GRM7: variants seen among roughly 807,000 people sequenced by gnomAD.
GRM7 encodes glutamate metabotropic receptor 7.
A neutral mutation model predicts 84.5 loss-of-function variants in GRM7; 35 were observed. That is an observed-to-expected ratio of 0.41 (90% CI 0.32 to 0.55). The LOEUF (loss-of-function observed/expected upper bound fraction) is 0.55, where lower values mean the gene tolerates loss of function less well. Ranked by LOEUF, GRM7 falls within the 20% of genes least tolerant of loss-of-function variation. GRM7 has a pLI of 0.19. For synonymous variants in GRM7, 487 were observed against 455.1 expected, an observed-to-expected ratio of 1.07 and a Z score of -0.89; for missense variants, 1,003 against 1,194.6, an observed-to-expected ratio of 0.84 and a Z score of 2.36.
At chr3:6,905,770 T>A (rs1696553203) in intron 1 of GRM7, among the ~76,000 whole-genome samples, 2 of 152,168 alleles carry the variant, frequency 1.3e-5, no homozygotes, top group African/African-American at 4.8e-5. Flanking sequence ...AAAAGATAAT[T>A]CTTATCTGGA....
At chr3:7,000,203 G>T (rs565646738) in intron 1 of GRM7, among the ~76,000 whole-genome samples, 2 of 124,042 alleles carry the variant, frequency 1.6e-5, no homozygotes, top group South Asian at 2.5e-4. Flanking sequence ...ACAGAATTCC[G>T]CTCTGTCACC....
intron 9 of GRM7, among the ~76,000 whole-genome samples, chr3:7,723,275 T>A (rs141844951): frequency 1.3e-5 from 2 of 152,246 alleles, no homozygotes; most frequent in Non-Finnish European, 2.9e-5. Context: ...ATCTTCGAGA[T>A]CCCTTTATTG....
chr3:7,156,834 T>G (rs1440548138), intron 2 of GRM7, among the ~76,000 whole-genome samples: 1 of 152,176 alleles, frequency 6.6e-6, no homozygotes, highest in Admixed American at 6.6e-5. Flanking sequence ...TTTTTCATTG[T>G]TGTTTTCACT....
chr3:7,528,762 T>G (rs1448881703), intron 7 of GRM7, among the ~76,000 whole-genome samples: 4 of 152,116 alleles, frequency 2.6e-5, no homozygotes, highest in African/African-American at 9.7e-5. Context: ...CTGCCCTAAT[T>G]TTGTTGTTTA....
At chr3:7,654,522 G>C (rs1416759316) in intron 8 of GRM7, among the ~76,000 whole-genome samples, 1 of 152,184 alleles carries the variant, frequency 6.6e-6, no homozygotes, top group Non-Finnish European at 1.5e-5. Flanking sequence ...CTGCTGCACT[G>C]TTTCATAAAG....
chr3:7,458,967 C>T (rs1330063149), intron 6 of GRM7, among the ~76,000 whole-genome samples: 3 of 152,128 alleles, frequency 2.0e-5, no homozygotes, highest in Non-Finnish European at 4.4e-5. Context: ...TTGTTGAAAT[C>T]AGAAAGCCAA....
intron 1 of GRM7, among the ~76,000 whole-genome samples, chr3:7,049,302 G>T (rs957129906): frequency 1.3e-5 from 2 of 151,978 alleles, no homozygotes; most frequent in African/African-American, 4.8e-5. Flanking sequence ...AGTTCCACAT[G>T]GCTGGGAGGC....
At position 7,579,052 on chromosome 3, in the gene GRM7, G is replaced by A; in HGVS notation, c.2146G>A (p.Gly716Arg). Residue 716 changes from glycine (G) to arginine (R), a missense_variant, in exon 8 of 10, where the codon GGG becomes AGG. Coordinates refer to ENST00000357716, the MANE Select transcript of GRM7 (RefSeq NM_000844.4). Reference protein sequence around the residue: ...TSSLISVQLLGVFIWFGVDPP... With the variant: ...TSSLISVQLLRVFIWFGVDPP... ...CAGTTTAATATCAGTTCAGCTTCTA[G>A]GGGTGTTCATTTGGTTTGGTGTTGA... 6.2e-7 allele frequency: 1 copy of A among 1,614,090 alleles called. No individual in the cohort carries two copies. Among genetic ancestry groups the A allele is most frequent in the Non-Finnish European group, 8.5e-7 (1 of 1,180,026 alleles).
At chr3:7,120,540 A>G (rs949625557) in intron 1 of GRM7, among the ~76,000 whole-genome samples, 1 of 152,212 alleles carries the variant, frequency 6.6e-6, no homozygotes, top group Non-Finnish European at 1.5e-5. Context: ...AGTGAGATCC[A>G]TGTAATAATC....
Position 7,174,004 on chromosome 3 carries a change from T to C in GRM7, c.736+27336T>C, listed in dbSNP as rs1432825323. Among the ~76,000 whole-genome samples the C allele has an allele frequency of 5.3e-5, 8 of 152,342 alleles. No individual in the cohort carries two copies. In the East Asian group the frequency reaches 5.8e-4, roughly 11 times the overall value. ...GTGCATGGTCAAATTGCTGAATTTC[T>C]GTTGAATGCCCACAGTAAGAGAGAT... On this transcript the variant is annotated intron_variant, in intron 2 of 9. Transcript: ENST00000357716.
chr3:7,408,825 A>G (rs1258583283), intron 4 of GRM7, among the ~76,000 whole-genome samples: 1 of 152,164 alleles, frequency 6.6e-6, no homozygotes, highest in Non-Finnish European at 1.5e-5. Context: ...ACCCAAATGC[A>G]CTTGCTGTGG....
intron 2 of GRM7, among the ~76,000 whole-genome samples, chr3:7,156,278 A>G (rs1694447264): frequency 6.6e-6 from 1 of 152,232 alleles, no homozygotes; most frequent in Admixed American, 6.5e-5. Context: ...CTAGTAATCA[A>G]CTGCTTTATG....
intron 9 of GRM7, among the ~76,000 whole-genome samples, chr3:7,683,954 A>C (rs1022022162): frequency 6.6e-6 from 1 of 152,186 alleles, no homozygotes; most frequent in African/African-American, 2.4e-5. Flanking sequence ...AAGAAATAAA[A>C]CATTTGAGAT....
intron 8 of GRM7, among the ~76,000 whole-genome samples, chr3:7,674,138 A>C (rs749456978): frequency 6.6e-6 from 1 of 152,182 alleles, no homozygotes; most frequent in Non-Finnish European, 1.5e-5. Context: ...TACACTATGA[A>C]GAAATGATTT....
intron 7 of GRM7, among the ~76,000 whole-genome samples, chr3:7,469,423 T>G (rs2124921044): frequency 6.6e-6 from 1 of 152,328 alleles, no homozygotes; most frequent in South Asian, 2.1e-4. Flanking sequence ...TCAGTTGATT[T>G]TTTTATTTTA....
chr3:7,348,432 T>C (rs1386989932), intron 4 of GRM7, among the ~76,000 whole-genome samples: 1 of 152,176 alleles, frequency 6.6e-6, no homozygotes, highest in Non-Finnish European at 1.5e-5. Context: ...CTTTTATTTT[T>C]CTCTCAAGTA....
At chr3:7,612,939 C>G (rs575127045) in intron 8 of GRM7, among the ~76,000 whole-genome samples, 1 of 152,176 alleles carries the variant, frequency 6.6e-6, no homozygotes, top group African/African-American at 2.4e-5. Context: ...TAACTTGAAC[C>G]AATTACTTTT....
At chr3:6,995,952 T>C (rs1309579633) in intron 1 of GRM7, among the ~76,000 whole-genome samples, 1 of 152,208 alleles carries the variant, frequency 6.6e-6, no homozygotes, top group Non-Finnish European at 1.5e-5. Flanking sequence ...TTTCTATTTT[T>C]TGAGTTTAGT....
intron 8 of GRM7, among the ~76,000 whole-genome samples, chr3:7,654,226 A>G (rs372963065): frequency 1.3e-4 from 20 of 152,334 alleles, no homozygotes; most frequent in Admixed American, 2.6e-4. Context: ...ATAAGTTGCA[A>G]GGTAATTGAT....
Sources: gnomAD v4.1 joint callset for allele counts (sites outside exome capture counted in the v4.1 genomes callset) on GRCh38, gnomAD v4.1.1 for gene constraint, MANE v1.5 for transcripts, NCBI Gene and HGNC (gene_info 2026-07-23, HGNC 2026-07-21) for gene names.